The following THEMIS variants were observed in gnomAD, a reference collection of about 807,000 sequenced individuals.
THEMIS encodes the protein thymocyte selection associated, also known as protein THEMIS.
In THEMIS, 37 loss-of-function variants were observed where a neutral mutation model predicts 52.6. The observed-to-expected ratio is 0.70, with a 90% CI of 0.54 to 0.93. The LOEUF is 0.93. Among genes scored for constraint, THEMIS ranks in the 40% least tolerant of loss-of-function variants. THEMIS has a pLI of 0.00. For missense variants in THEMIS, 808 were observed against 763.1 expected (o/e 1.06, Z -0.69); for synonymous variants, 292 against 272.7 (o/e 1.07, Z -0.70).
chr6:127,781,728 C>A (rs1486421436), intron 4 of THEMIS, among the ~76,000 whole-genome samples: 2 of 152,154 alleles, frequency 1.3e-5, no homozygotes, highest in African/African-American at 2.4e-5. Context: ...GTGGAGGCTG[C>A]AGAACAGGAA....
At position 127,839,075 on chromosome 6, in the gene THEMIS, C is replaced by T. The variant is rs184537507; in HGVS notation, c.251-9141G>A. 2.9e-3 allele frequency among the ~76,000 whole-genome samples: 437 copies of T among 151,954 alleles called. 2 individuals carry two copies. Among genetic ancestry groups the T allele is most frequent in the Non-Finnish European group, 5.1e-3 (345 of 67,940 alleles). On this transcript the variant is annotated intron_variant, in intron 2 of 5. Coordinates refer to ENST00000368248, the MANE Select transcript of THEMIS (RefSeq NM_001010923.3). ...GAATATGTTCACTTGTTTATTCTCC[C>T]AAGTGATTTTTACAATTACTCTCTC...
At chr6:127,754,642 A>G (rs1205968785) in intron 4 of THEMIS, among the ~76,000 whole-genome samples, 1 of 152,196 alleles carries the variant, frequency 6.6e-6, no homozygotes, top group African/African-American at 2.4e-5. Context: ...CTCATCTTCA[A>G]ACTAATAATA....
At chr6:127,816,663 C>CT (rs1778146375) in intron 3 of THEMIS, among the ~76,000 whole-genome samples, 1 of 152,126 alleles carries the variant, frequency 6.6e-6, no homozygotes, top group African/African-American at 2.4e-5. Context: ...AACCGGTATC[C>CT]TTGCAGTCAA....
chr6:127,805,701 T>C (rs1348147663), intron 4 of THEMIS, among the ~76,000 whole-genome samples: 1 of 152,116 alleles, frequency 6.6e-6, no homozygotes, highest in Non-Finnish European at 1.5e-5. Flanking sequence ...AATATATTTA[T>C]TGATGTAGGT....
intron 4 of THEMIS, among the ~76,000 whole-genome samples, chr6:127,746,826 T>A (rs9491862): frequency 5.0e-5 from 2 of 39,792 alleles, no homozygotes; most frequent in African/African-American, 1.2e-4. Flanking sequence ...TTATATATTA[T>A]TATATAATTA....
At chr6:127,773,313 T>C (rs2114447873) in intron 4 of THEMIS, among the ~76,000 whole-genome samples, 1 of 152,324 alleles carries the variant, frequency 6.6e-6, no homozygotes, top group South Asian at 2.1e-4. Context: ...ACTCCAGATA[T>C]ATTACAGCAT....
intron 1 of THEMIS, among the ~76,000 whole-genome samples, chr6:127,900,089 A>G (rs1342023053): frequency 6.6e-6 from 1 of 151,532 alleles, no homozygotes; most frequent in Non-Finnish European, 1.5e-5. Context: ...CTTCAATTCT[A>G]CCACTCTTGA....
At chr6:127,782,597 C>T (rs1037394176) in intron 4 of THEMIS, among the ~76,000 whole-genome samples, 1 of 152,224 alleles carries the variant, frequency 6.6e-6, no homozygotes, top group Non-Finnish European at 1.5e-5. Context: ...AATGCCCCGC[C>T]CTGCTTTGGC....
chr6:127,842,920 GTC>G (rs769294193), intron 2 of THEMIS, among the ~76,000 whole-genome samples: 1 of 151,882 alleles, frequency 6.6e-6, no homozygotes, highest in Non-Finnish European at 1.5e-5. Context: ...CGGGCTCACT[GTC>G]TCCTTAGTGA....
intron 1 of THEMIS, among the ~76,000 whole-genome samples, chr6:127,883,345 A>G (rs1780545244): frequency 6.6e-6 from 1 of 151,740 alleles, no homozygotes; most frequent in South Asian, 2.1e-4. Flanking sequence ...AAAAAATGCA[A>G]ATAATATTAA....
intron 2 of THEMIS, among the ~76,000 whole-genome samples, chr6:127,838,094 A>G (rs1778930332): frequency 6.6e-6 from 1 of 152,102 alleles, no homozygotes; most frequent in Non-Finnish European, 1.5e-5. Context: ...CCAGGATGGC[A>G]GAACCAAGAC....
In THEMIS at chr6:127,791,386, C is replaced by T. The variant is rs140711635; in HGVS notation, c.1758+21497G>A. Among the ~76,000 whole-genome samples, 27 of 152,232 alleles carry T rather than the reference C, an allele frequency of 1.8e-4. 1 individual carries two copies. In the East Asian group the frequency reaches 3.7e-3, roughly 21 times the overall value. On this transcript the variant is annotated intron_variant, in intron 4 of 5. Coordinates refer to ENST00000368248, the MANE Select transcript of THEMIS (RefSeq NM_001010923.3). ...CTCAGCTCTCAGGAGACAGGAGACCCACAATGGGTAGTTCCTTTCTGTAGG... is the reference window on the plus strand; with the variant it reads ...CTCAGCTCTCAGGAGACAGGAGACCTACAATGGGTAGTTCCTTTCTGTAGG...
intron 4 of THEMIS, among the ~76,000 whole-genome samples, chr6:127,740,958 C>T (rs1483744537): frequency 2.6e-5 from 4 of 152,236 alleles, no homozygotes; most frequent in African/African-American, 4.8e-5. Flanking sequence ...CTCTCTTACC[C>T]TCCATCATAC....
chr6:127,710,510 T>C (rs897016102), intron 5 of THEMIS, among the ~76,000 whole-genome samples: 5 of 151,910 alleles, frequency 3.3e-5, no homozygotes, highest in Admixed American at 3.3e-4. Context: ...TTCTAAGAAC[T>C]ACAGAGGAGG....
At chr6:127,746,801 T>C (rs1775418960) in intron 4 of THEMIS, among the ~76,000 whole-genome samples, 1 of 42,456 alleles carries the variant, frequency 2.4e-5, no homozygotes, top group Non-Finnish European at 3.6e-5. Flanking sequence ...TATTATATAA[T>C]TATATTATAT....
chr6:127,907,337 A>ATTTTT (rs58472332), intron 1 of THEMIS, among the ~76,000 whole-genome samples: 701 of 49,426 alleles, frequency 0.014, 182 homozygotes, highest in East Asian at 0.062. Flanking sequence ...TTAGGCTCGG[A>ATTTTT]TTTTTTTTTT....
chr6:127,710,927 C>A (rs1414964704), intron 5 of THEMIS, among the ~76,000 whole-genome samples: 3 of 151,334 alleles, frequency 2.0e-5, no homozygotes, highest in Non-Finnish European at 3.0e-5. Flanking sequence ...CTATAACTGC[C>A]TGCCTCCCTC....
chr6:127,849,732 C>T (rs912039779), intron 2 of THEMIS, among the ~76,000 whole-genome samples: 2 of 151,862 alleles, frequency 1.3e-5, no homozygotes, highest in African/African-American at 2.4e-5. Context: ...TCATGTTATA[C>T]AAAAATCAAC....
chr6:127,885,806 T>C (rs1780627573), intron 1 of THEMIS, among the ~76,000 whole-genome samples: 1 of 152,174 alleles, frequency 6.6e-6, no homozygotes, highest in South Asian at 2.1e-4. Flanking sequence ...AACACAACTA[T>C]GCTTTGACTT....
Sources: gnomAD v4.1 joint callset for allele counts (sites outside exome capture counted in the v4.1 genomes callset) on GRCh38, gnomAD v4.1.1 for gene constraint, MANE v1.5 for transcripts, NCBI Gene and HGNC (gene_info 2026-07-23, HGNC 2026-07-21) for gene names.